Variants in CHST10 observed in about 807,000 individuals in gnomAD.
CHST10 encodes the protein carbohydrate sulfotransferase 10, also known as HNK-1 sulfotransferase.
CHST10 carries 24 observed loss-of-function variants against 34.7 expected under a neutral mutation model. That is an observed-to-expected ratio of 0.69 (90% CI 0.50 to 0.97). The LOEUF (loss-of-function observed/expected upper bound fraction) is 0.97, where lower values mean the gene tolerates loss of function less well. Among genes scored for constraint, CHST10 ranks in the 50% least tolerant of loss-of-function variants. CHST10 has a pLI of 0.00. For synonymous variants in CHST10, 161 were observed against 169.3 expected (o/e 0.95, Z 0.38); for missense variants, 402 against 452.1 (o/e 0.89, Z 1.00).
rs1331170470 is a variant in CHST10, at chr2:100,417,564, C to G, written c.-294G>C. ...TCCCGGGATGTGGCGGCGGCGGCAG[C>G]GGAAGTAAGGAAGACGCCCGGCGCG... On this transcript the variant is annotated 5_prime_UTR_variant, in exon 1 of 7. Transcript: ENST00000264249. 6.6e-5 allele frequency: 10 copies of G among 151,792 alleles called. No homozygotes were observed. The highest frequency in any genetic ancestry group is 2.4e-4 in the African/African-American group (10 of 41,388). 9.4% of individuals were successfully genotyped at this position (151,792 alleles called of 1,614,324 possible).
chr2:100,395,464 G>C lies in CHST10; in HGVS notation c.533+45C>G, dbSNP rs775106367. ...GGGGTTTTCCCCAAATTTCTTCTCA[G>C]GTTTACAAAAACTCCCCCCTCCCCT... On this transcript the variant is annotated intron_variant, in intron 6 of 6. Transcript: ENST00000264249. 4 of 1,550,120 alleles carry C rather than the reference G, an allele frequency of 2.6e-6. No individual in the cohort carries two copies. In the East Asian group the frequency reaches 9.1e-5, roughly 35 times the overall value.
chr2:100,406,840 G>A, intron 2 of CHST10, 133 bp from the exon 3 acceptor site: 1 of 1,016,070 alleles, frequency 9.8e-7, no homozygotes, highest in East Asian at 2.6e-5. Flanking sequence ...TGCTACAATA[G>A]GTAGTTTGAC....
intron 3 of CHST10, among the ~76,000 whole-genome samples, chr2:100,405,917 G>A (rs778889980): frequency 1.8e-4 from 28 of 152,182 alleles, no homozygotes; most frequent in Non-Finnish European, 3.1e-4. Flanking sequence ...CCATGCTCAG[G>A]GCAATCATGG....
At chr2:100,406,825 T>C in intron 2 of CHST10, 118 bp from the exon 3 acceptor site, 4 of 1,225,670 alleles carry the variant, frequency 3.3e-6, no homozygotes, top group Non-Finnish European at 4.5e-6. Context: ...TCCGTTTTTT[T>C]CCACTGCTAC....
chr2:100,398,765 G>A (rs1675195920), intron 4 of CHST10, among the ~76,000 whole-genome samples: 1 of 152,156 alleles, frequency 6.6e-6, no homozygotes, highest in African/African-American at 2.4e-5. Context: ...CTAGCTAGGG[G>A]GAAAAAGATG....
rs17024203 is a variant in CHST10 at position 100,399,580 on chromosome 2, G to A, written c.193-1438C>T. On this transcript the variant is annotated intron_variant, in intron 4 of 6. Transcript: ENST00000264249. ...ACAACCTGTCCTCCCAGGGGACAACGTCAGTTAGAAAATGGGAAGGACATA... is the reference window on the plus strand; with the variant it reads ...ACAACCTGTCCTCCCAGGGGACAACATCAGTTAGAAAATGGGAAGGACATA... 5.8e-3 allele frequency among the ~76,000 whole-genome samples: 877 copies of A among 152,270 alleles called. 12 individuals carry two copies. Among genetic ancestry groups the A allele is most frequent in the East Asian group, 0.048 (248 of 5,176 alleles).
intron 2 of CHST10, 46 bp from the exon 3 acceptor site, chr2:100,406,753 A>G: frequency 6.4e-7 from 1 of 1,573,384 alleles, no homozygotes; most frequent in Non-Finnish European, 8.6e-7. Flanking sequence ...AAATACATCA[A>G]GTCAACAAAG....
At chr2:100,398,760 TA>T (rs1477453828) in intron 4 of CHST10, among the ~76,000 whole-genome samples, 1 of 152,090 alleles carries the variant, frequency 6.6e-6, no homozygotes, top group East Asian at 1.9e-4. Flanking sequence ...ATCCTCTAGC[TA>T]GGGGGAAAAA....
chr2:100,411,934 C>T (rs983111627), intron 2 of CHST10, among the ~76,000 whole-genome samples: 6 of 152,156 alleles, frequency 3.9e-5, no homozygotes, highest in African/African-American at 7.2e-5. Context: ...AGTAACTAAA[C>T]GCAGGCCCAT....
At position 100,412,568 on chromosome 2, in the gene CHST10, C is replaced by T. The variant is rs79841135; in HGVS notation, c.-33+2473G>A. On this transcript the variant is annotated intron_variant, in intron 2 of 6. Coordinates refer to ENST00000264249, the MANE Select transcript of CHST10 (RefSeq NM_004854.5). The stretch of plus-strand genomic sequence containing the variant: ...CTCTGTTCGTGACTCTAATGAGCAG[C>T]TGGGACTGAGAATTGCTGGTCCAGG... Among the ~76,000 whole-genome samples, 58 of 152,278 alleles carry T rather than the reference C, an allele frequency of 3.8e-4. 1 individual carries two copies. In the East Asian group the frequency reaches 9.5e-3, roughly 25 times the overall value.
At chr2:100,411,839 G>T (rs1431216989) in intron 2 of CHST10, among the ~76,000 whole-genome samples, 1 of 152,158 alleles carries the variant, frequency 6.6e-6, no homozygotes, top group African/African-American at 2.4e-5. Context: ...AAATACAATG[G>T]GATGTGCCTT....
At position 100,392,307 on chromosome 2, in the gene CHST10, C is replaced by G. The variant is rs1674828790; in HGVS notation, c.*938G>C. On this transcript the variant is annotated 3_prime_UTR_variant, in exon 7 of 7. Coordinates refer to ENST00000264249, the MANE Select transcript of CHST10 (RefSeq NM_004854.5). ...ATGCTGGCAGGTTGCCCCTGCTCGT[C>G]TTCAGCCCCAACATGGGAGCTCCCT... 1 of 152,560 alleles carries G rather than the reference C, an allele frequency of 6.6e-6. No individual in the cohort carries two copies. The highest frequency in any genetic ancestry group is 1.5e-5 in the Non-Finnish European group (1 of 68,078). 9.5% of individuals were successfully genotyped at this position (152,560 alleles called of 1,614,324 possible).
Position 100,402,661 on chromosome 2 carries a change from A to C in CHST10, c.101-6T>G. 1 of 1,613,262 alleles carries C rather than the reference A, an allele frequency of 6.2e-7. No individual in the cohort carries two copies. Among genetic ancestry groups the C allele is most frequent in the Non-Finnish European group, 8.5e-7 (1 of 1,179,268 alleles). On this transcript the variant is annotated splice_polypyrimidine_tract_variant and splice_region_variant and intron_variant, in intron 3 of 6. Transcript: ENST00000264249. ...CTCCTGTTTGGCACTGTACACTGGAAGACAGAGAGGTTGAATGTCTTCTCT... is the reference window on the plus strand; with the variant it reads ...CTCCTGTTTGGCACTGTACACTGGACGACAGAGAGGTTGAATGTCTTCTCT...
intron 2 of CHST10, among the ~76,000 whole-genome samples, chr2:100,413,815 T>C (rs1451207286): frequency 6.6e-6 from 1 of 152,176 alleles, no homozygotes; most frequent in African/African-American, 2.4e-5. Context: ...CCACTTTTAA[T>C]ATGCGCATTC....
chr2:100,412,300 C>T (rs572232440), intron 2 of CHST10, among the ~76,000 whole-genome samples: 1 of 152,342 alleles, frequency 6.6e-6, no homozygotes, highest in South Asian at 2.1e-4. Flanking sequence ...CGAGGATCCA[C>T]ATTATCTGGT....
chr2:100,414,890 T>G (rs1342045477), intron 2 of CHST10, 151 bp downstream of exon 2: 1 of 393,750 alleles, frequency 2.5e-6, no homozygotes, highest in Admixed American at 4.3e-5. Flanking sequence ...CAGAGCATGC[T>G]CCTATTATTA....
chr2:100,395,671 A>G, intron 5 of CHST10, 57 bp from the exon 6 acceptor site: 1 of 1,386,178 alleles, frequency 7.2e-7, no homozygotes, highest in Non-Finnish European at 1.0e-6. Flanking sequence ...CCCTTAGAGA[A>G]GGGCATGTCC....
intron 2 of CHST10, among the ~76,000 whole-genome samples, chr2:100,407,091 G>T (rs535912411): frequency 6.6e-6 from 1 of 152,296 alleles, no homozygotes; most frequent in East Asian, 1.9e-4. Flanking sequence ...GGCCTGCCAA[G>T]GACTAGGCCT....
At chr2:100,405,929 C>T (rs1164637823) in intron 3 of CHST10, among the ~76,000 whole-genome samples, 4 of 152,262 alleles carry the variant, frequency 2.6e-5, no homozygotes, top group East Asian at 1.9e-4. Context: ...CAATCATGGG[C>T]GGTGCCGGAG....
Sources: gnomAD v4.1 joint callset for allele counts (sites outside exome capture counted in the v4.1 genomes callset) on GRCh38, gnomAD v4.1.1 for gene constraint, MANE v1.5 for transcripts, NCBI Gene and HGNC (gene_info 2026-07-23, HGNC 2026-07-21) for gene names.